MYO7A: variants seen among roughly 807,000 people sequenced by gnomAD.
MYO7A encodes the protein unconventional myosin-VIIa.
Under a neutral mutation model 263.8 loss-of-function variants are expected in MYO7A, and 210 were observed. The ratio of observed to expected loss-of-function variants is 0.80; its 90% confidence interval spans 0.71 to 0.89. The LOEUF (loss-of-function observed/expected upper bound fraction) is 0.89. MYO7A is among the 40% of genes least tolerant of loss of function. MYO7A has a pLI of 0.00. For synonymous variants in MYO7A, 1,239 were observed against 1,197.3 expected (o/e 1.03, Z -0.72); for missense variants, 2,820 against 2,968.3 (o/e 0.95, Z 1.16).
In MYO7A at chr11:77,190,705, G is replaced by T; in HGVS notation, c.3759G>T (p.Lys1253Asn). The T allele has an allele frequency of 6.3e-7, 1 of 1,592,304 alleles. No homozygotes were observed. Among genetic ancestry groups the T allele is most frequent in the Non-Finnish European group, 8.5e-7 (1 of 1,170,274 alleles). The change falls in exon 30 of 49, where the codon AAG (lysine) becomes AAT (asparagine). Residue 1253 changes from lysine (K) to asparagine (N), a missense_variant. Transcript: ENST00000409709. ...TCTTGGGGCACTTCCAGGCCACCAA[G>T]TCCAAGAAGCCAATCATGTTGCCCG... ...PPSWLELQATKSKKPIMLPVT... is the reference protein window; with the variant it reads ...PPSWLELQATNSKKPIMLPVT...
rs949348002 is a variant in MYO7A at position 77,160,840 on chromosome 11, T to A, written c.1201-133T>A. 4.0e-6 allele frequency: 4 copies of A among 995,810 alleles called. No homozygotes were observed. The African/African-American group carries it at 6.5e-5, about 16-fold the overall frequency. The allele number at this position is 995,810 out of a possible 1,614,324, so 61.7% of individuals were successfully genotyped here. A position where few individuals can be genotyped will look rare whatever the true frequency, so the allele number is the denominator to read the frequency against. On this transcript the variant is annotated intron_variant, in intron 11 of 48. Coordinates refer to ENST00000409709, the MANE Select transcript of MYO7A (RefSeq NM_000260.4). ...CTCCAGGCAGAGGGAACAGCTCAAG[T>A]AAAGGGTTGGGGGTTTCACACGGCA...
intron 8 of MYO7A, 62 bp from the exon 9 acceptor site, chr11:77,158,215 A>C: frequency 6.7e-7 from 1 of 1,482,878 alleles, no homozygotes; most frequent in Non-Finnish European, 9.0e-7. Flanking sequence ...GCAGCCAGGC[A>C]CTGCCCCTCT....
In MYO7A at chr11:77,180,477, A is replaced by C; in HGVS notation, c.2690A>C (p.His897Pro). The C allele has an allele frequency of 6.2e-7, 1 of 1,612,046 alleles. No homozygotes were observed. Among genetic ancestry groups the C allele is most frequent in the Non-Finnish European group, 8.5e-7 (1 of 1,179,560 alleles). Residue 897 changes from histidine (H) to proline (P), a missense_variant, in exon 22 of 49, where the codon CAT (histidine) becomes CCT (proline). Coordinates refer to ENST00000409709, the MANE Select transcript of MYO7A (RefSeq NM_000260.4). ...KKAKEEAERKHQERLAQLARE... is the reference protein window; with the variant it reads ...KKAKEEAERKPQERLAQLARE... ...GCCAAGGAGGAGGCCGAGCGCAAGC[A>C]TCAGGTGAGCTGAGAGCCTCCAGGC...
chr11:77,202,197 C>G, intron 36 of MYO7A, 103 bp from the exon 37 acceptor site: 2 of 1,411,872 alleles, frequency 1.4e-6, no homozygotes, highest in East Asian at 2.5e-5. Context: ...GTCCATACCC[C>G]TGAAGAGTCT....
At chr11:77,190,185 T>C in intron 29 of MYO7A, 46 bp downstream of exon 29, 1 of 1,478,552 alleles carries the variant, frequency 6.8e-7, no homozygotes, top group Middle Eastern at 1.9e-4. Context: ...TGTGCGCACG[T>C]GTGTAAATGC....
chr11:77,187,451 G>A (rs781961099), intron 27 of MYO7A, among the ~76,000 whole-genome samples: 6 of 152,180 alleles, frequency 3.9e-5, no homozygotes, highest in South Asian at 2.1e-4. Context: ...CATAGTAAGC[G>A]CCCCGTAGAT....
chr11:77,181,323 T>C, intron 22 of MYO7A, 57 bp from the exon 23 acceptor site: 1 of 1,474,134 alleles, frequency 6.8e-7, no homozygotes, highest in Admixed American at 2.1e-5. Flanking sequence ...GCTTGTTCCC[T>C]GAGGCTGTGG....
At chr11:77,189,978 G>T in intron 28 of MYO7A, 42 bp from the exon 29 acceptor site, 1 of 1,481,740 alleles carries the variant, frequency 6.7e-7, no homozygotes, top group South Asian at 1.3e-5. Context: ...AAATCCACAT[G>T]GGGAGCCCCA....
At chr11:77,156,386 G>C (rs1322826803) in intron 5 of MYO7A, among the ~76,000 whole-genome samples, 2 of 152,154 alleles carry the variant, frequency 1.3e-5, no homozygotes, top group African/African-American at 4.8e-5. Flanking sequence ...TTTTCTTTTG[G>C]GCAGAGGGCA....
At chr11:77,132,769 G>T (rs12802419) in intron 2 of MYO7A, among the ~76,000 whole-genome samples, 1 of 152,150 alleles carries the variant, frequency 6.6e-6, no homozygotes, top group Non-Finnish European at 1.5e-5. Flanking sequence ...TTACAGGCGT[G>T]AGCCACCGCA....
rs756287417 is a variant in MYO7A, at chr11:77,211,952, T to G, written c.6354+15T>G. On this transcript the variant is annotated intron_variant, in intron 46 of 48. Transcript: ENST00000409709. ...TCGAGGTGAAGGTACACCATGGGCT[T>G]CTCAGAGCAGAGGAGGAGGGGAACA... 2.5e-6 allele frequency: 4 copies of G among 1,594,024 alleles called. No individual in the cohort carries two copies. In the Admixed American group the frequency reaches 5.0e-5, roughly 20 times the overall value.
At chr11:77,140,555 C>G (rs1348815645) in intron 2 of MYO7A, among the ~76,000 whole-genome samples, 2 of 152,048 alleles carry the variant, frequency 1.3e-5, no homozygotes, top group African/African-American at 4.8e-5. Context: ...CACCGAGGCC[C>G]GCTCTGGGCT....
At chr11:77,157,418 AG>A (rs782230227) in intron 8 of MYO7A, 26 bp downstream of exon 8, 62 of 1,521,754 alleles carry the variant, frequency 4.1e-5, no homozygotes, top group Non-Finnish European at 5.1e-5. Context: ...GCCCCTGGGT[AG>A]GGGGGCACCC....
Position 77,148,130 on chromosome 11 carries a change from T to TCGG in MYO7A, c.285+184_285+186dup, listed in dbSNP as rs2135713958. The stretch of plus-strand genomic sequence containing the variant: ...CTGGGGCCCATCTGCCGGCAGCCGC[T>TCGG]CGGCGGGGTCTCATCCTCTTGGGCT... On this transcript the variant is annotated intron_variant, in intron 4 of 48. Coordinates refer to ENST00000409709, the MANE Select transcript of MYO7A (RefSeq NM_000260.4). 1.3e-5 allele frequency among the ~76,000 whole-genome samples: 2 copies of TCGG among 152,250 alleles called. 1 individual carries two copies. The highest frequency in any genetic ancestry group is 4.1e-4 in the South Asian group (2 of 4,822).
At chr11:77,145,154 C>T (rs1241262016) in intron 3 of MYO7A, among the ~76,000 whole-genome samples, 1 of 152,150 alleles carries the variant, frequency 6.6e-6, no homozygotes, top group Non-Finnish European at 1.5e-5. Flanking sequence ...TAAATGGGGT[C>T]AGTGATTCTC....
intron 23 of MYO7A, 126 bp downstream of exon 23, chr11:77,181,715 TG>T: frequency 1.0e-6 from 1 of 966,474 alleles, no homozygotes; most frequent in Non-Finnish European, 1.5e-6. Context: ...AGAGATGAAC[TG>T]GGTCCGGGCT....
At chr11:77,152,334 G>C (rs1216993068) in intron 4 of MYO7A, among the ~76,000 whole-genome samples, 7 of 152,216 alleles carry the variant, frequency 4.6e-5, no homozygotes, top group Non-Finnish European at 5.9e-5. Context: ...CTGCCTCAAT[G>C]CTGCTGACAG....
chr11:77,144,231 G>C (rs1400581661), intron 3 of MYO7A, among the ~76,000 whole-genome samples: 1 of 152,160 alleles, frequency 6.6e-6, no homozygotes, highest in East Asian at 1.9e-4. Flanking sequence ...TCATTCCAGA[G>C]GCTCCAGTTC....
chr11:77,173,301 T>C (rs1489881842), intron 16 of MYO7A, among the ~76,000 whole-genome samples: 4 of 152,224 alleles, frequency 2.6e-5, no homozygotes, highest in African/African-American at 9.6e-5. Flanking sequence ...GGCTGCTTCT[T>C]TGAAAGTCCC....
Sources: allele counts gnomAD v4.1 joint callset (sites outside exome capture counted in the v4.1 genomes callset), GRCh38; gene constraint gnomAD v4.1.1; transcripts MANE v1.5; gene names NCBI Gene and HGNC (gene_info 2026-07-23, HGNC 2026-07-21).